The following CSMD2 variants were observed in gnomAD, a reference collection of about 807,000 sequenced individuals.
CSMD2 encodes the protein CUB and Sushi multiple domains 2, also known as CUB and sushi domain-containing protein 2.
In CSMD2, 130 loss-of-function variants were observed where a neutral mutation model predicts 398.5. That is an observed-to-expected ratio of 0.33 (90% CI 0.28 to 0.38). The LOEUF (loss-of-function observed/expected upper bound fraction) is 0.38, where lower values mean the gene tolerates loss of function less well. Ranked by LOEUF, CSMD2 falls within the 10% of genes least tolerant of loss-of-function variation. The probability of loss-of-function intolerance (pLI) is 1.00; values close to 1 mark genes in which losing one functional copy is unlikely to be tolerated. For missense variants in CSMD2, 3,829 were observed against 4,764.9 expected, an observed-to-expected ratio of 0.80 and a Z score of 5.78; for synonymous variants, 1,828 against 1,908.5, an observed-to-expected ratio of 0.96 and a Z score of 1.10.
At chr1:33,929,737 A>AC (rs1188110028) in intron 4 of CSMD2, among the ~76,000 whole-genome samples, 2 of 143,820 alleles carry the variant, frequency 1.4e-5, no homozygotes, top group African/African-American at 2.6e-5. Context: ...CTCTCCACCC[A>AC]CCCCTCACTC....
intron 3 of CSMD2, among the ~76,000 whole-genome samples, chr1:34,031,765 C>CAAAAAA (rs556094322): frequency 7.0e-4 from 50 of 71,198 alleles, no homozygotes; most frequent in Non-Finnish European, 8.8e-4. Flanking sequence ...AAGGCAAAGG[C>CAAAAAA]AAAAAAAAAA....
chr1:34,054,832 T>G (rs961452201), intron 2 of CSMD2, among the ~76,000 whole-genome samples: 1 of 151,934 alleles, frequency 6.6e-6, no homozygotes, highest in African/African-American at 2.4e-5. Context: ...GAAAAAAGCT[T>G]GAGACTTTAG....
At chr1:34,143,669 G>A (rs1407924352) in intron 1 of CSMD2, among the ~76,000 whole-genome samples, 1 of 152,110 alleles carries the variant, frequency 6.6e-6, no homozygotes, top group Non-Finnish European at 1.5e-5. Context: ...ACACAACTTG[G>A]TTAAACATAT....
chr1:33,723,060 G>A (rs1646411238), intron 19 of CSMD2, among the ~76,000 whole-genome samples: 1 of 152,156 alleles, frequency 6.6e-6, no homozygotes, highest in South Asian at 2.1e-4. Flanking sequence ...GCATGTGTGT[G>A]CACACACGGA....
intron 3 of CSMD2, 151 bp from the exon 4 acceptor site, chr1:33,936,105 C>T (rs897316569): frequency 3.2e-6 from 2 of 622,180 alleles, no homozygotes; most frequent in African/African-American, 3.7e-5. Context: ...GCTGATCTGC[C>T]CGCTTCTCAA....
At chr1:33,604,820 G>C (rs1412685967) in intron 42 of CSMD2, among the ~76,000 whole-genome samples, 2 of 151,902 alleles carry the variant, frequency 1.3e-5, no homozygotes, top group Non-Finnish European at 2.9e-5. Context: ...TGTAGAAGGA[G>C]AGTATAATGG....
chr1:33,581,505 G>A (rs2148729355), intron 47 of CSMD2, among the ~76,000 whole-genome samples: 1 of 138,312 alleles, frequency 7.2e-6, no homozygotes, highest in South Asian at 2.3e-4. Flanking sequence ...GCTCCAGCCT[G>A]GGTGACAGAG....
At chr1:33,789,053 T>C (rs1288259145) in intron 11 of CSMD2, among the ~76,000 whole-genome samples, 4 of 152,186 alleles carry the variant, frequency 2.6e-5, no homozygotes, top group Non-Finnish European at 5.9e-5. Context: ...GTGTCTACAT[T>C]CTTGCAACTT....
At chr1:33,712,374 C>T (rs560974668) in intron 21 of CSMD2, among the ~76,000 whole-genome samples, 3 of 152,304 alleles carry the variant, frequency 2.0e-5, no homozygotes, top group Admixed American at 6.5e-5. Flanking sequence ...TGTTCATCTC[C>T]TTCTCGGCTG....
chr1:33,700,417 A>T, intron 23 of CSMD2, 100 bp downstream of exon 23: 2 of 1,306,630 alleles, frequency 1.5e-6, no homozygotes, highest in Non-Finnish European at 2.2e-6. Context: ...CAGTCTTAAG[A>T]GCACATTCTT....
chr1:33,644,866 G>A (rs950844395), intron 29 of CSMD2, among the ~76,000 whole-genome samples: 4 of 152,180 alleles, frequency 2.6e-5, no homozygotes, highest in African/African-American at 9.7e-5. Flanking sequence ...GTGCCTGGAG[G>A]AAGAAAGGAT....
intron 15 of CSMD2, among the ~76,000 whole-genome samples, chr1:33,731,079 G>A (rs1646702270): frequency 6.6e-6 from 1 of 152,140 alleles, no homozygotes; most frequent in South Asian, 2.1e-4. Flanking sequence ...CACAATTTGA[G>A]CATTAATTAG....
intron 64 of CSMD2, among the ~76,000 whole-genome samples, chr1:33,532,156 T>C (rs1655297951): frequency 6.6e-6 from 1 of 152,188 alleles, no homozygotes; most frequent in South Asian, 2.1e-4. Flanking sequence ...TAGTCATAGA[T>C]CCTAAAGTTA....
At chr1:33,741,034 G>A (rs1460321421) in intron 14 of CSMD2, among the ~76,000 whole-genome samples, 1 of 152,160 alleles carries the variant, frequency 6.6e-6, no homozygotes, top group Non-Finnish European at 1.5e-5. Flanking sequence ...ACTGTTGAGT[G>A]CTCAGCACCA....
intron 3 of CSMD2, 110 bp from the exon 4 acceptor site, chr1:33,936,064 A>C: frequency 4.7e-6 from 4 of 850,184 alleles, no homozygotes; most frequent in Non-Finnish European, 7.2e-6. Flanking sequence ...CCTGGAACTC[A>C]TTTCTTCTTC....
At position 33,622,369 on chromosome 1, in the gene CSMD2, T is replaced by A. The variant is rs1235846400; in HGVS notation, c.5723-98A>T. ...TGGATTTTGCTACCTGCTGACATTC[T>A]GCTCCCAAGGCCCCCAGATGTCCCC... is the stretch of plus-strand genomic sequence containing the variant. On this transcript the variant is annotated intron_variant, in intron 36 of 70. Coordinates refer to ENST00000373381, the MANE Select transcript of CSMD2 (RefSeq NM_001281956.2). 4 of 839,042 alleles carry A rather than the reference T, an allele frequency of 4.8e-6. 1 individual carries two copies. The African/African-American group carries it at 6.7e-5, about 14-fold the overall frequency. 52.0% of individuals were successfully genotyped at this position (839,042 alleles called of 1,614,324 possible).
intron 49 of CSMD2, among the ~76,000 whole-genome samples, chr1:33,576,832 G>A (rs1404559116): frequency 2.0e-5 from 3 of 147,010 alleles, no homozygotes; most frequent in African/African-American, 7.6e-5. Flanking sequence ...CAGATTTTTA[G>A]TTTGAATGTA....
In CSMD2 at chr1:33,617,566, T is replaced by C. The variant is rs766123729; in HGVS notation, c.5879A>G (p.Lys1960Arg). Residue 1960 changes from lysine (K) to arginine (R), a missense_variant, in exon 38 of 71, where the codon AAG becomes AGG. Around this residue, in one of 5 missense-constraint regions of CSMD2, gnomAD observed 2,001 missense variants for 2,567.1 expected, o/e 0.78. Transcript: ENST00000373381. ...PEPAVPSNGV[K>R]TGERYLVNDV... Reference sequence around the variant, plus strand: ...ATTCACCAAGTAGCGCTCGCCAGTCTTCACCCCGTTACTGGGCACAGCAGG... The same window carrying C: ...ATTCACCAAGTAGCGCTCGCCAGTCCTCACCCCGTTACTGGGCACAGCAGG... 2 of 1,614,060 alleles carry C rather than the reference T, an allele frequency of 1.2e-6. No individual in the cohort carries two copies. The highest frequency in any genetic ancestry group is 2.2e-5 in the South Asian group (2 of 91,062).
chr1:33,871,184 T>C (rs573021674), intron 5 of CSMD2, among the ~76,000 whole-genome samples: 1 of 152,190 alleles, frequency 6.6e-6, no homozygotes, highest in African/African-American at 2.4e-5. Flanking sequence ...ACTGAAATGA[T>C]GAGTACAGAT....
Sources: allele counts gnomAD v4.1 joint callset (sites outside exome capture counted in the v4.1 genomes callset), GRCh38; gene constraint gnomAD v4.1.1; regional missense constraint gnomAD v4.1.1; transcripts MANE v1.5; gene names NCBI Gene and HGNC (gene_info 2026-07-23, HGNC 2026-07-21).